The following ZDHHC3 variants were observed in gnomAD, a reference collection of about 807,000 sequenced individuals.
The protein encoded by ZDHHC3 is zDHHC palmitoyltransferase 3.
A neutral mutation model predicts 30.6 loss-of-function variants in ZDHHC3; 9 were observed. The observed-to-expected ratio is 0.29, with a 90% CI of 0.18 to 0.51. The LOEUF is 0.51. Ranked by LOEUF, ZDHHC3 falls within the 20% of genes least tolerant of loss-of-function variation. The pLI is 0.97. For synonymous variants in ZDHHC3, 136 were observed against 140.2 expected (o/e 0.97, Z 0.21); for missense variants, 246 against 384.2 (o/e 0.64, Z 3.01).
rs1700476672 is a variant in ZDHHC3, at chr3:44,919,941, A to G, written c.*6748T>C. 1 of 1,039,992 alleles carries G rather than the reference A, an allele frequency of 9.6e-7. No homozygotes were observed. The allele number at this position is 1,039,992 out of a possible 1,614,324, so 64.4% of individuals were successfully genotyped here. On this transcript the variant is annotated 3_prime_UTR_variant, in exon 7 of 7. Transcript: ENST00000424952. ...CAAAGCTGGAAATGAGAAATGCCCA[A>G]TAATGATGGTTAAGCAAATGATTCT...
rs1700558269 is a variant in ZDHHC3, at chr3:44,921,093, T to C, written c.*5596A>G. On this transcript the variant is annotated 3_prime_UTR_variant, in exon 7 of 7. Coordinates refer to ENST00000424952, the MANE Select transcript of ZDHHC3 (RefSeq NM_001135179.2). ...TGGTTGATGCCTGGTAAGGGGGTCA[T>C]AGTCGACACCAGAAGCTCTTGCAGG... 2 of 985,436 alleles carry C rather than the reference T, an allele frequency of 2.0e-6. No individual in the cohort carries two copies. Among genetic ancestry groups the C allele is most frequent in the Non-Finnish European group, 2.4e-6 (2 of 829,924 alleles). The allele number at this position is 985,436 out of a possible 1,614,324, so 61.0% of individuals were successfully genotyped here. A position where few individuals can be genotyped will look rare whatever the true frequency, so the allele number is the denominator to read the frequency against.
At chr3:44,973,271 G>A (rs1705554053) in intron 1 of ZDHHC3, among the ~76,000 whole-genome samples, 1 of 152,156 alleles carries the variant, frequency 6.6e-6, no homozygotes, top group South Asian at 2.1e-4. Context: ...GTAAGGTGAT[G>A]GTTAGGAGTA....
chr3:44,923,177 G>A lies in ZDHHC3; in HGVS notation c.*3512C>T, dbSNP rs1700731359. ...TGCAAGCTCCACTTCCCGGGTTCAC[G>A]CCATTCTCCTGCCTCAGCCTCCCAA... On this transcript the variant is annotated 3_prime_UTR_variant, in exon 7 of 7. Transcript: ENST00000424952. 8.1e-6 allele frequency: 7 copies of A among 869,062 alleles called. No individual in the cohort carries two copies. The African/African-American group carries it at 9.1e-5, about 11-fold the overall frequency. 53.8% of individuals were successfully genotyped at this position (869,062 alleles called of 1,614,324 possible).
At chr3:44,973,931 G>T (rs964327498) in intron 1 of ZDHHC3, among the ~76,000 whole-genome samples, 4 of 152,026 alleles carry the variant, frequency 2.6e-5, no homozygotes, top group African/African-American at 4.8e-5. Context: ...AAAACAAGAC[G>T]GTTTAATACT....
rs949585060 is a variant in ZDHHC3 at position 44,924,168 on chromosome 3, A to G, written c.*2521T>C. The stretch of plus-strand genomic sequence containing the variant: ...TCAGAACTCCTGTGACCAAGCCAAA[A>G]GTTGGGGCTGACTTTGTGTAGAAAG... On this transcript the variant is annotated 3_prime_UTR_variant, in exon 7 of 7. Coordinates refer to ENST00000424952, the MANE Select transcript of ZDHHC3 (RefSeq NM_001135179.2). The G allele has an allele frequency of 4.1e-6, 4 of 985,318 alleles. No homozygotes were observed. The African/African-American group carries it at 7.0e-5, about 17-fold the overall frequency. 61.0% of individuals were successfully genotyped at this position (985,318 alleles called of 1,614,324 possible). A position where few individuals can be genotyped will look rare whatever the true frequency, so the allele number is the denominator to read the frequency against.
chr3:44,949,591 C>G (rs1703256102), intron 2 of ZDHHC3, among the ~76,000 whole-genome samples: 1 of 152,160 alleles, frequency 6.6e-6, no homozygotes, highest in African/African-American at 2.4e-5. Flanking sequence ...ACTTGAGGAG[C>G]CACCCAAAGT....
In ZDHHC3 at chr3:44,918,197, C is replaced by CTATGGGGGTG. The variant is rs1372929782; in HGVS notation, c.*8491_*8492insCACCCCCATA. On this transcript the variant is annotated 3_prime_UTR_variant, in exon 7 of 7. Coordinates refer to ENST00000424952, the MANE Select transcript of ZDHHC3 (RefSeq NM_001135179.2). Reference sequence around the variant, plus strand: ...GTCAGCGTGGTGCTGGGCTGTACAGCTCACATAGACACCCCCAGCTATAGC... The same window carrying CTATGGGGGTG: ...GTCAGCGTGGTGCTGGGCTGTACAGCTATGGGGGTGTCACATAGACACCCCCAGCTATAGC... 4 of 1,260,784 alleles carry CTATGGGGGTG rather than the reference C, an allele frequency of 3.2e-6. No individual in the cohort carries two copies. In the Admixed American group the frequency reaches 7.4e-5, roughly 23 times the overall value. The allele number at this position is 1,260,784 out of a possible 1,614,324, so 78.1% of individuals were successfully genotyped here.
At position 44,923,336 on chromosome 3, in the gene ZDHHC3, A is replaced by C; in HGVS notation, c.*3353T>G. The C allele has an allele frequency of 1.0e-6, 1 of 985,224 alleles. No homozygotes were observed. Among genetic ancestry groups the C allele is most frequent in the Non-Finnish European group, 1.2e-6 (1 of 829,790 alleles). 61.0% of individuals were successfully genotyped at this position (985,224 alleles called of 1,614,324 possible). On this transcript the variant is annotated 3_prime_UTR_variant, in exon 7 of 7. Transcript: ENST00000424952. ...CGTGATCTGCCCGCCTCGGCCTCCC[A>C]AAGTGCTGGGATTACAGGCGTGAGG...
Position 44,959,439 on chromosome 3 carries a change from G to A in ZDHHC3, c.-3C>T. On this transcript the variant is annotated 5_prime_UTR_variant, in exon 2 of 7. Coordinates refer to ENST00000424952, the MANE Select transcript of ZDHHC3 (RefSeq NM_001135179.2). The surrounding 1 kb of genome is among the most constrained non-coding windows in gnomAD (Gnocchi z 4.3). Reference sequence around the variant, plus strand: ...TGGTGGGTGGGGATAAGCATCATAAGCTATTCTGTCCATACTGGCATCTGA... The same window carrying A: ...TGGTGGGTGGGGATAAGCATCATAAACTATTCTGTCCATACTGGCATCTGA... The A allele has an allele frequency of 6.2e-7, 1 of 1,612,942 alleles. No homozygotes were observed. The highest frequency in any genetic ancestry group is 8.5e-7 in the Non-Finnish European group (1 of 1,179,056).
chr3:44,934,124 T>G, intron 3 of ZDHHC3, 140 bp from the exon 4 acceptor site: 1 of 799,950 alleles, frequency 1.3e-6, no homozygotes, highest in Non-Finnish European at 2.1e-6. Context: ...GCTGGGTGTG[T>G]GTCACGTGGG....
chr3:44,918,494 A>T lies in ZDHHC3; in HGVS notation c.*8195T>A, dbSNP rs1480100305. On this transcript the variant is annotated 3_prime_UTR_variant, in exon 7 of 7. Transcript: ENST00000424952. ...CTAGGCTGATGAGTGGCTGAGGCAT[A>T]AGGGGGACCACACATCCTCTGAGGC... 1 of 985,438 alleles carries T rather than the reference A, an allele frequency of 1.0e-6. No homozygotes were observed. Among genetic ancestry groups the T allele is most frequent in the African/African-American group, 1.7e-5 (1 of 57,358 alleles). The allele number at this position is 985,438 out of a possible 1,614,324, so 61.0% of individuals were successfully genotyped here.
Position 44,959,175 on chromosome 3 carries a change from A to G in ZDHHC3, c.262T>C (p.Phe88Leu). 6.2e-7 allele frequency: 1 copy of G among 1,614,256 alleles called. No individual in the cohort carries two copies. The highest frequency in any genetic ancestry group is 8.5e-7 in the Non-Finnish European group (1 of 1,180,040). The change falls in exon 2 of 7, where the codon TTC becomes CTC. Residue 88 changes from phenylalanine to leucine, a missense_variant. Transcript: ENST00000424952. This position sits in a 1 kb window ranked among gnomAD's most constrained non-coding sequence, Gnocchi z 4.3. ...INGIVFNLLA[F>L]LALASHCRAM... Reference sequence around the variant, plus strand: ...CGGCAGTGGGAGGCCAGGGCCAAGAAGGCCAGCAGGTTGAACACAATTCCG... The same window carrying G: ...CGGCAGTGGGAGGCCAGGGCCAAGAGGGCCAGCAGGTTGAACACAATTCCG...
rs1449418601 is a variant in ZDHHC3, at chr3:44,925,444, C to A, written c.*1245G>T. The A allele has an allele frequency of 3.0e-6, 3 of 985,380 alleles. No homozygotes were observed. In the African/African-American group the frequency reaches 5.2e-5, roughly 17 times the overall value. The allele number at this position is 985,380 out of a possible 1,614,324, so 61.0% of individuals were successfully genotyped here. ...ATTTGTTATTTTTGCACTTGGAGGG[C>A]ACTCCCTACCTCCTTCACCTCTATC... On this transcript the variant is annotated 3_prime_UTR_variant, in exon 7 of 7. Coordinates refer to ENST00000424952, the MANE Select transcript of ZDHHC3 (RefSeq NM_001135179.2).
Position 44,923,029 on chromosome 3 carries a change from C to T in ZDHHC3, c.*3660G>A, listed in dbSNP as rs947262769. On this transcript the variant is annotated 3_prime_UTR_variant, in exon 7 of 7. Coordinates refer to ENST00000424952, the MANE Select transcript of ZDHHC3 (RefSeq NM_001135179.2). ...CTGAGAAAGCCCATCCCAGCCCACC[C>T]GGAGAGGAGTTTCTGTGTAATGCCA... The T allele has an allele frequency of 2.2e-5, 22 of 984,810 alleles. No homozygotes were observed. Among genetic ancestry groups the T allele is most frequent in the East Asian group, 1.1e-4 (1 of 8,806 alleles). The allele number at this position is 984,810 out of a possible 1,614,324, so 61.0% of individuals were successfully genotyped here.
At chr3:44,934,421 G>A (rs1701764864) in intron 3 of ZDHHC3, among the ~76,000 whole-genome samples, 1 of 134,000 alleles carries the variant, frequency 7.5e-6, no homozygotes, top group African/African-American at 2.8e-5. Flanking sequence ...GGAAGTTCTA[G>A]AAGCACTATG....
intron 2 of ZDHHC3, among the ~76,000 whole-genome samples, chr3:44,946,636 G>A (rs1397028760): frequency 6.6e-6 from 1 of 152,316 alleles, no homozygotes; most frequent in East Asian, 1.9e-4. Context: ...AAGTAGTGAT[G>A]TTCAAGGGTT....
chr3:44,953,501 G>A (rs902001437), intron 2 of ZDHHC3, among the ~76,000 whole-genome samples: 3 of 152,098 alleles, frequency 2.0e-5, no homozygotes, highest in African/African-American at 7.2e-5. Context: ...TAATTTCAAG[G>A]ACTCAACATT....
intron 2 of ZDHHC3, among the ~76,000 whole-genome samples, chr3:44,951,411 G>A (rs932024850): frequency 2.0e-5 from 3 of 152,156 alleles, no homozygotes; most frequent in African/African-American, 7.2e-5. Flanking sequence ...GCCTCCATCA[G>A]CCATTCCCCT....
Position 44,919,945 on chromosome 3 carries a change from T to C in ZDHHC3, c.*6744A>G, listed in dbSNP as rs1468749049. On this transcript the variant is annotated 3_prime_UTR_variant, in exon 7 of 7. Transcript: ENST00000424952. ...GCTGGAAATGAGAAATGCCCAATAA[T>C]GATGGTTAAGCAAATGATTCTATAA... is the stretch of plus-strand genomic sequence containing the variant. 2 of 1,038,508 alleles carry C rather than the reference T, an allele frequency of 1.9e-6. No individual in the cohort carries two copies. The highest frequency in any genetic ancestry group is 2.3e-6 in the Non-Finnish European group (2 of 858,528). 64.3% of individuals were successfully genotyped at this position (1,038,508 alleles called of 1,614,324 possible). A position where few individuals can be genotyped will look rare whatever the true frequency, so the allele number is the denominator to read the frequency against.
Sources: allele counts gnomAD v4.1 joint callset (sites outside exome capture counted in the v4.1 genomes callset), GRCh38; gene constraint gnomAD v4.1.1; non-coding constraint Gnocchi (gnomAD v3.1); transcripts MANE v1.5; gene names NCBI Gene and HGNC (gene_info 2026-07-23, HGNC 2026-07-21).